LMBR1: variants seen among roughly 807,000 people sequenced by gnomAD.
The protein encoded by LMBR1 is limb development membrane protein 1.
A neutral mutation model predicts 73.9 loss-of-function variants in LMBR1; 52 were observed. The ratio of observed to expected loss-of-function variants is 0.70; its 90% confidence interval spans 0.56 to 0.89. The LOEUF (loss-of-function observed/expected upper bound fraction) is 0.89, where lower values mean the gene tolerates loss of function less well. LMBR1 is among the 40% of genes least tolerant of loss of function. The pLI is 0.00. For missense variants in LMBR1, 539 were observed against 579.8 expected (o/e 0.93, Z 0.72); for synonymous variants, 215 against 209.4 (o/e 1.03, Z -0.23).
intron 2 of LMBR1, among the ~76,000 whole-genome samples, chr7:156,834,944 ATCC>A (rs1213229814): frequency 7.2e-5 from 11 of 152,082 alleles, no homozygotes; most frequent in African/African-American, 2.4e-4. Flanking sequence ...GATCAAGACC[ATCC>A]TGGCCAACAT....
chr7:156,798,170 T>C (rs1830364560), intron 4 of LMBR1, among the ~76,000 whole-genome samples: 1 of 152,220 alleles, frequency 6.6e-6, no homozygotes, highest in African/African-American at 2.4e-5. Context: ...GTTCTTCATC[T>C]ATCAAATATG....
At chr7:156,741,955 G>A (rs1014881604) in intron 9 of LMBR1, among the ~76,000 whole-genome samples, 1 of 151,920 alleles carries the variant, frequency 6.6e-6, no homozygotes, top group African/African-American at 2.4e-5. Context: ...TATCTTCTCT[G>A]GCCATAATGG....
chr7:156,817,776 G>A (rs561223143), intron 4 of LMBR1, among the ~76,000 whole-genome samples: 1 of 152,056 alleles, frequency 6.6e-6, no homozygotes, highest in African/African-American at 2.4e-5. Flanking sequence ...ACCCTTCCAG[G>A]TATTTTTTGA....
intron 5 of LMBR1, among the ~76,000 whole-genome samples, chr7:156,775,262 G>A (rs893575022): frequency 1.3e-5 from 2 of 152,112 alleles, no homozygotes; most frequent in African/African-American, 2.4e-5. Flanking sequence ...CAGCTACTCA[G>A]GAGGCCGAGG....
intron 15 of LMBR1, among the ~76,000 whole-genome samples, chr7:156,713,337 C>T (rs1449051677): frequency 1.3e-5 from 2 of 152,024 alleles, no homozygotes; most frequent in Admixed American, 6.6e-5. Flanking sequence ...TATACATTTG[C>T]CCAAACCCAT....
intron 4 of LMBR1, among the ~76,000 whole-genome samples, chr7:156,672,523 A>T (rs1025198410): frequency 6.6e-6 from 1 of 152,188 alleles, no homozygotes. Flanking sequence ...ATTTCCATCT[A>T]AAGTGTTTGA....
intron 8 of LMBR1, among the ~76,000 whole-genome samples, chr7:156,761,335 G>A (rs1250322445): frequency 6.6e-6 from 1 of 151,996 alleles, no homozygotes; most frequent in East Asian, 1.9e-4. Flanking sequence ...CAAAGAAAGC[G>A]ACAAATCATT....
At chr7:156,722,892 C>A (rs1331121745) in intron 15 of LMBR1, among the ~76,000 whole-genome samples, 1 of 152,018 alleles carries the variant, frequency 6.6e-6, no homozygotes, top group African/African-American at 2.4e-5. Context: ...AATAATAGTA[C>A]AGTGAATGAG....
intron 1 of LMBR1, among the ~76,000 whole-genome samples, chr7:156,891,547 G>A (rs1802991177): frequency 6.6e-6 from 1 of 152,134 alleles, no homozygotes; most frequent in African/African-American, 2.4e-5. Context: ...TACCCTTGGT[G>A]GAGGAGAAAG....
chr7:156,735,594 G>T (rs1817716378), intron 9 of LMBR1, among the ~76,000 whole-genome samples: 2 of 148,894 alleles, frequency 1.3e-5, no homozygotes. Context: ...GCTGAGACTG[G>T]GAGGTTCTGT....
chr7:156,697,764 T>C (rs1487646690), intron 15 of LMBR1, among the ~76,000 whole-genome samples: 1 of 152,236 alleles, frequency 6.6e-6, no homozygotes, highest in African/African-American at 2.4e-5. Context: ...ACTGATTTCA[T>C]ATTGTTCAAA....
chr7:156,708,687 C>T (rs1811486550), intron 15 of LMBR1, among the ~76,000 whole-genome samples: 1 of 152,154 alleles, frequency 6.6e-6, no homozygotes, highest in Admixed American at 6.5e-5. Context: ...GGTAGGGGGG[C>T]AGGGTGCAAA....
chr7:156,737,950 G>A (rs182750796), intron 9 of LMBR1, among the ~76,000 whole-genome samples: 1 of 152,258 alleles, frequency 6.6e-6, no homozygotes, highest in Non-Finnish European at 1.5e-5. Flanking sequence ...TCTACCGATT[G>A]TCCCTGCTGC....
intron 15 of LMBR1, among the ~76,000 whole-genome samples, chr7:156,700,141 C>T (rs975086078): frequency 2.0e-5 from 3 of 152,140 alleles, no homozygotes; most frequent in African/African-American, 4.8e-5. Flanking sequence ...TTGGAACCAA[C>T]CCAAATGTCC....
chr7:156,702,194 C>T (rs548375415), intron 15 of LMBR1, among the ~76,000 whole-genome samples: 2 of 152,170 alleles, frequency 1.3e-5, no homozygotes, highest in Admixed American at 6.5e-5. Flanking sequence ...TTTGGGGAAT[C>T]GCCACACTGT....
intron 1 of LMBR1, among the ~76,000 whole-genome samples, chr7:156,851,202 G>A (rs1796189820): frequency 6.6e-6 from 1 of 152,086 alleles, no homozygotes; most frequent in Non-Finnish European, 1.5e-5. Context: ...AACGCAAAAT[G>A]AACTAACACA....
chr7:156,698,137 T>C (rs963779519), intron 15 of LMBR1, among the ~76,000 whole-genome samples: 2 of 152,196 alleles, frequency 1.3e-5, no homozygotes, highest in African/African-American at 4.8e-5. Flanking sequence ...AGCTCCAAAA[T>C]GATCTCCTTT....
chr7:156,805,008 C>A (rs539270272), intron 4 of LMBR1, among the ~76,000 whole-genome samples: 2 of 151,954 alleles, frequency 1.3e-5, no homozygotes, highest in Admixed American at 6.6e-5. Context: ...TTACAGTTTG[C>A]GAATGGTGCC....
chr7:156,779,066 T>C (rs192503314), intron 5 of LMBR1, among the ~76,000 whole-genome samples: 102 of 152,308 alleles, frequency 6.7e-4, no homozygotes, highest in African/African-American at 2.3e-3. Context: ...ATTGTTCCTC[T>C]AGTGAAAAAA....
Sources: gnomAD v4.1 joint callset for allele counts (sites outside exome capture counted in the v4.1 genomes callset) on GRCh38, gnomAD v4.1.1 for gene constraint, MANE v1.5 for transcripts, NCBI Gene and HGNC (gene_info 2026-07-23, HGNC 2026-07-21) for gene names.